The following MLKL variants were observed in gnomAD, a reference collection of about 807,000 sequenced individuals.
The protein encoded by MLKL is mixed lineage kinase domain-like protein.
Under a neutral mutation model 56.5 loss-of-function variants are expected in MLKL, and 55 were observed. The ratio of observed to expected loss-of-function variants is 0.97; its 90% confidence interval spans 0.78 to 1.22. MLKL has a LOEUF of 1.22. MLKL is among the 50% of genes most tolerant of loss of function. The probability of loss-of-function intolerance (pLI) is 0.00; values close to 1 mark genes in which losing one functional copy is unlikely to be tolerated. For missense variants in MLKL, 694 were observed against 573.9 expected (o/e 1.21, Z -2.14); for synonymous variants, 251 against 208.3 (o/e 1.20, Z -1.76).
At chr16:74,693,460 AAAAAAAAAG>A (rs1432210200) in intron 2 of MLKL, among the ~76,000 whole-genome samples, 10 of 96,606 alleles carry the variant, frequency 1.0e-4, no homozygotes, top group African/African-American at 4.6e-4. Context: ...TCTCAAAAAA[AAAAAAAAAG>A]AAAAGAAAAA....
In MLKL at chr16:74,692,398, G is replaced by C. The variant is rs1213734132; in HGVS notation, c.479C>G (p.Ala160Gly). The C allele has an allele frequency of 1.2e-6, 2 of 1,613,292 alleles. No individual in the cohort carries two copies. The highest frequency in any genetic ancestry group is 1.3e-5 in the African/African-American group (1 of 74,958). The change falls in exon 3 of 11, where the codon GCT (alanine) becomes GGT (glycine). Residue 160 changes from alanine (A) to glycine (G), a missense_variant. Transcript: ENST00000308807. ...MLRRDNEKIE[A>G]SLRRLEINMK... ...GTTGATTTCTAATCGTCTCAGTGAA[G>C]CTTCTATTTTTTCATTATCTGCAGG...
chr16:74,675,737 G>A lies in MLKL; in HGVS notation c.1066C>T (p.Gln356Ter). 1.2e-6 allele frequency: 2 copies of A among 1,614,132 alleles called. No homozygotes were observed. The highest frequency in any genetic ancestry group is 1.7e-6 in the Non-Finnish European group (2 of 1,180,028). Residue 356 changes from glutamine to a stop codon, truncating the protein, a stop_gained, in exon 8 of 11, where the codon CAG becomes TAG. Coordinates refer to ENST00000308807, the MANE Select transcript of MLKL (RefSeq NM_152649.4). LOFTEE classifies it high-confidence loss of function. ...KLAGFELRKT[Q>*]TSMSLGTTRE... Reference sequence around the variant, plus strand: ...GTAGTTCCCAAACTCATGGAAGTCTGTGTTTTCCTCAACTCAAATCCTGCA... The same window carrying A: ...GTAGTTCCCAAACTCATGGAAGTCTATGTTTTCCTCAACTCAAATCCTGCA...
At chr16:74,693,606 T>G (rs1195833261) in intron 2 of MLKL, among the ~76,000 whole-genome samples, 1 of 148,578 alleles carries the variant, frequency 6.7e-6, no homozygotes, top group Non-Finnish European at 1.5e-5. Flanking sequence ...ATGGTAAATT[T>G]TTTTTTTTTT....
rs1959278549 is a variant in MLKL, at chr16:74,672,366, C to A, written c.*138G>T. 2.7e-6 allele frequency: 2 copies of A among 746,448 alleles called. No homozygotes were observed. The highest frequency in any genetic ancestry group is 1.8e-5 in the South Asian group (1 of 54,936). 46.2% of individuals were successfully genotyped at this position (746,448 alleles called of 1,614,324 possible). On this transcript the variant is annotated 3_prime_UTR_variant, in exon 11 of 11. Transcript: ENST00000308807. ...TGTCCTGTATGACTGGAATCGTTTTCTATTTGTAACAGAGAAGCGTGCCCA... is the reference window on the plus strand; with the variant it reads ...TGTCCTGTATGACTGGAATCGTTTTATATTTGTAACAGAGAAGCGTGCCCA...
Position 74,695,535 on chromosome 16 carries a change from C to T in MLKL, c.223G>A (p.Glu75Lys). ...GATCTATTGCTGAACTTTTCTATCTCCCCATTAGCCTCCTCCAGGGCAGCC... is the reference window on the plus strand; with the variant it reads ...GATCTATTGCTGAACTTTTCTATCTTCCCATTAGCCTCCTCCAGGGCAGCC... ...FKAALEEANG[E>K]IEKFSNRSNI... is the part of the protein sequence containing the mutation. The change falls in exon 2 of 11, where the codon GAG becomes AAG. Residue 75 changes from glutamate to lysine, a missense_variant. Transcript: ENST00000308807. The T allele has an allele frequency of 1.2e-6, 2 of 1,614,200 alleles. No homozygotes were observed. The highest frequency in any genetic ancestry group is 2.2e-5 in the East Asian group (1 of 44,880).
chr16:74,693,457 AAAAAAAAAAAAG>A (rs1960799411), intron 2 of MLKL, among the ~76,000 whole-genome samples: 1 of 94,290 alleles, frequency 1.1e-5, no homozygotes, highest in African/African-American at 4.9e-5. Flanking sequence ...CTGTCTCAAA[AAAAAAAAAAAAG>A]AAAAGAAAAA....
At position 74,672,233 on chromosome 16, in the gene MLKL, A is replaced by G; in HGVS notation, c.*271T>C. 1 of 343,630 alleles carries G rather than the reference A, an allele frequency of 2.9e-6. No homozygotes were observed. Among genetic ancestry groups the G allele is most frequent in the East Asian group, 4.8e-5 (1 of 20,826 alleles). The allele number at this position is 343,630 out of a possible 1,614,324, so 21.3% of individuals were successfully genotyped here. ...TCATTTATGGAAGGGAGGAGCTGCA[A>G]ATTTCATTGCCAAGAGGTGTGGATA... On this transcript the variant is annotated 3_prime_UTR_variant, in exon 11 of 11. Coordinates refer to ENST00000308807, the MANE Select transcript of MLKL (RefSeq NM_152649.4).
In MLKL at chr16:74,695,435, A is replaced by T; in HGVS notation, c.323T>A (p.Val108Asp). The part of the protein sequence containing the change: ...FKDVNRKLSD[V>D]WKELSLLLQV... ...AAGTAACAGCGAGAGCTCCTTCCAGACATCACTCAGCTTCCTGTTCACGTC... is the reference window on the plus strand; with the variant it reads ...AAGTAACAGCGAGAGCTCCTTCCAGTCATCACTCAGCTTCCTGTTCACGTC... Residue 108 changes from valine (V) to aspartate (D), a missense_variant, in exon 2 of 11, where the codon GTC becomes GAC. Val to Asp is a radical substitution (Grantham distance 152). Coordinates refer to ENST00000308807, the MANE Select transcript of MLKL (RefSeq NM_152649.4). 2 of 1,614,230 alleles carry T rather than the reference A, an allele frequency of 1.2e-6. No individual in the cohort carries two copies. The highest frequency in any genetic ancestry group is 1.7e-6 in the Non-Finnish European group (2 of 1,180,054).
chr16:74,675,476 G>A, intron 8 of MLKL, 72 bp from the exon 9 acceptor site: 1 of 1,581,902 alleles, frequency 6.3e-7, no homozygotes, highest in South Asian at 1.1e-5. Context: ...GCCACTGCCA[G>A]AAAACTCAGT....
At chr16:74,699,668 C>G (rs1961259254) in intron 1 of MLKL, among the ~76,000 whole-genome samples, 1 of 152,160 alleles carries the variant, frequency 6.6e-6, no homozygotes, top group Non-Finnish European at 1.5e-5. Flanking sequence ...GCTGCAGTGG[C>G]TCACACCTGT....
intron 10 of MLKL, among the ~76,000 whole-genome samples, chr16:74,674,696 G>C (rs988960646): frequency 5.9e-5 from 9 of 152,040 alleles, no homozygotes; most frequent in African/African-American, 1.9e-4. Context: ...GCCCATCTCA[G>C]CCTCCCAAAG....
At chr16:74,690,763 C>G (rs1226772001) in intron 4 of MLKL, among the ~76,000 whole-genome samples, 1 of 100,936 alleles carries the variant, frequency 9.9e-6, no homozygotes, top group Non-Finnish European at 1.8e-5. Context: ...GCCTGGACAA[C>G]AGAGTGAGAC....
At position 74,682,652 on chromosome 16, in the gene MLKL, G is replaced by A. The variant is rs151198441; in HGVS notation, c.955C>T (p.Arg319Trp). The change falls in exon 6 of 11, where the codon CGG becomes TGG. Residue 319 changes from arginine (R) to tryptophan (W), a missense_variant and splice_region_variant. Transcript: ENST00000308807. ...LVLGAARGLY[R>W]LHHSEAPELH... is the part of the protein sequence containing the mutation. ...TGGCGCCTTTTCACCCCGTCTTACC[G>A]GTATAGGCCTCGGGCTGCCCCCAGG... 4.3e-6 allele frequency: 7 copies of A among 1,613,816 alleles called. No homozygotes were observed. The highest frequency in any genetic ancestry group is 3.3e-5 in the Admixed American group (2 of 59,972).
intron 5 of MLKL, among the ~76,000 whole-genome samples, chr16:74,684,662 T>G (rs1960219734): frequency 6.7e-6 from 1 of 150,268 alleles, no homozygotes. Flanking sequence ...ATCCGGCTAA[T>G]TTTTTGTATT....
chr16:74,685,433 G>C, intron 5 of MLKL, 53 bp downstream of exon 5: 3 of 1,282,280 alleles, frequency 2.3e-6, no homozygotes, highest in Non-Finnish European at 3.4e-6. Context: ...TAAAACACAG[G>C]AGGTGTGTTC....
intron 10 of MLKL, among the ~76,000 whole-genome samples, chr16:74,673,548 A>C (rs1276820168): frequency 6.6e-6 from 1 of 151,966 alleles, no homozygotes; most frequent in Non-Finnish European, 1.5e-5. Flanking sequence ...CTTTGTGGAA[A>C]GTCTGGGAGA....
chr16:74,674,286 G>A (rs180965718), intron 10 of MLKL, among the ~76,000 whole-genome samples: 1 of 151,832 alleles, frequency 6.6e-6, no homozygotes, highest in East Asian at 1.9e-4. Flanking sequence ...CTGAGTAGCT[G>A]GGACTACAGG....
chr16:74,678,980 C>G lies in MLKL; in HGVS notation c.957G>C (p.Arg319=). The change falls in exon 7 of 11, where the codon CGG becomes CGC. Residue 319 remains arginine, a splice_region_variant and synonymous_variant. Transcript: ENST00000308807. ...LVLGAARGLY[R]LHHSEAPELH... Reference sequence around the variant, plus strand: ...GTTCAGGTGCTTCTGAATGGTGTAGCCTGACACAGCCAAAGGCGGGGAGCA... The same window carrying G: ...GTTCAGGTGCTTCTGAATGGTGTAGGCTGACACAGCCAAAGGCGGGGAGCA... 1.9e-6 allele frequency: 3 copies of G among 1,613,666 alleles called. No individual in the cohort carries two copies. The highest frequency in any genetic ancestry group is 1.3e-5 in the African/African-American group (1 of 74,994).
intron 6 of MLKL, 137 bp from the exon 7 acceptor site, chr16:74,679,117 T>C (rs1959784093): frequency 1.5e-6 from 1 of 655,856 alleles, no homozygotes; most frequent in Non-Finnish European, 2.7e-6. Context: ...AACTGGGATG[T>C]AGAGGCAAGG....
Sources: allele counts gnomAD v4.1 joint callset (sites outside exome capture counted in the v4.1 genomes callset), GRCh38; gene constraint gnomAD v4.1.1; transcripts MANE v1.5; gene names NCBI Gene and HGNC (gene_info 2026-07-23, HGNC 2026-07-21).